CNTN5: variants seen among roughly 807,000 people sequenced by gnomAD.
CNTN5 encodes contactin-5.
Under a neutral mutation model 129.1 loss-of-function variants are expected in CNTN5, and 77 were observed. The ratio of observed to expected loss-of-function variants is 0.60; its 90% CI spans 0.50 to 0.72. CNTN5 has a LOEUF of 0.72. CNTN5 is among the 30% of genes least tolerant of loss of function. The pLI, the probability that CNTN5 is intolerant of heterozygous loss-of-function variation, is 0.00. For missense variants in CNTN5, 1,478 were observed against 1,328.8 expected (o/e 1.11, Z -1.75); for synonymous variants, 509 against 465.6 (o/e 1.09, Z -1.20).
chr11:100,343,925 C>G (rs1039648611), intron 23 of CNTN5, among the ~76,000 whole-genome samples: 2 of 152,076 alleles, frequency 1.3e-5, no homozygotes, highest in Non-Finnish European at 2.9e-5. Flanking sequence ...ACACAGGACA[C>G]TAATCATTTC....
chr11:99,846,786 T>C (rs550683186), intron 6 of CNTN5, among the ~76,000 whole-genome samples: 19 of 152,224 alleles, frequency 1.2e-4, no homozygotes, highest in African/African-American at 4.3e-4. Flanking sequence ...TGATAATAAA[T>C]ACAGTTTGAA....
intron 16 of CNTN5, among the ~76,000 whole-genome samples, chr11:100,254,988 C>T (rs1950037699): frequency 6.6e-6 from 1 of 152,124 alleles, no homozygotes; most frequent in African/African-American, 2.4e-5. Context: ...GCACATTTCT[C>T]CTCAAATCTG....
chr11:99,613,286 A>G (rs552245172), intron 3 of CNTN5, among the ~76,000 whole-genome samples: 38 of 152,260 alleles, frequency 2.5e-4, no homozygotes, highest in Non-Finnish European at 4.1e-4. Context: ...GTTAGCTCTC[A>G]TGAGATCTGA....
rs1951091120 is a variant in CNTN5 at position 100,295,941 on chromosome 11, T to A, written c.2315-1684T>A. 2.6e-5 allele frequency among the ~76,000 whole-genome samples: 4 copies of A among 151,410 alleles called. No individual in the cohort carries two copies. In the South Asian group the frequency reaches 8.3e-4, roughly 31 times the overall value. ...TGTATGTATGTGTGTGTATATACAT[T>A]TAAAAAAACAAAAATACTAAGAGAA... On this transcript the variant is annotated intron_variant, in intron 18 of 24. Transcript: ENST00000524871.
At chr11:99,207,566 T>G (rs1859546990) in intron 1 of CNTN5, among the ~76,000 whole-genome samples, 2 of 152,138 alleles carry the variant, frequency 1.3e-5, no homozygotes, top group Non-Finnish European at 2.9e-5. Context: ...TTTCTATTGT[T>G]TTTTTCCTTT....
chr11:99,033,252 C>A (rs1863498813), intron 1 of CNTN5, among the ~76,000 whole-genome samples: 1 of 151,796 alleles, frequency 6.6e-6, no homozygotes, highest in African/African-American at 2.4e-5. Flanking sequence ...GCAATGCGGG[C>A]TCTTTTTTGG....
At chr11:99,705,530 A>C (rs908026981) in intron 3 of CNTN5, among the ~76,000 whole-genome samples, 1 of 151,398 alleles carries the variant, frequency 6.6e-6, no homozygotes, top group Non-Finnish European at 1.5e-5. Flanking sequence ...GGTTATTAGA[A>C]TCCTGATTCA....
intron 3 of CNTN5, among the ~76,000 whole-genome samples, chr11:99,786,147 T>TCC (rs1462203357): frequency 6.6e-6 from 1 of 152,114 alleles, no homozygotes; most frequent in Admixed American, 6.5e-5. Context: ...GATAAGCAAC[T>TCC]TCAGCAAAGT....
At chr11:99,589,293 C>T (rs1174081216) in intron 3 of CNTN5, among the ~76,000 whole-genome samples, 1 of 152,198 alleles carries the variant, frequency 6.6e-6, no homozygotes, top group Non-Finnish European at 1.5e-5. Flanking sequence ...CCATCAATAA[C>T]ATGCAAAATG....
chr11:99,454,293 TC>T (rs1944414359), intron 2 of CNTN5, among the ~76,000 whole-genome samples: 1 of 152,172 alleles, frequency 6.6e-6, no homozygotes, highest in Non-Finnish European at 1.5e-5. Flanking sequence ...GGCTTTGTGT[TC>T]CCACCCAAAT....
At chr11:100,225,878 G>A (rs1949362412) in intron 16 of CNTN5, among the ~76,000 whole-genome samples, 2 of 152,014 alleles carry the variant, frequency 1.3e-5, no homozygotes, top group South Asian at 2.1e-4. Context: ...TAAACATAAG[G>A]CATAGAGTGA....
At chr11:99,540,124 T>A (rs951476988) in intron 2 of CNTN5, among the ~76,000 whole-genome samples, 1 of 152,116 alleles carries the variant, frequency 6.6e-6, no homozygotes, top group Non-Finnish European at 1.5e-5. Flanking sequence ...AAGGATGTTA[T>A]GAAAAACAAT....
At chr11:99,308,314 AAAC>A (rs973991384) in intron 1 of CNTN5, among the ~76,000 whole-genome samples, 3 of 152,358 alleles carry the variant, frequency 2.0e-5, no homozygotes, top group African/African-American at 4.8e-5. Context: ...CCAGTAAGCA[AAAC>A]AACATTATAT....
intron 2 of CNTN5, among the ~76,000 whole-genome samples, chr11:99,434,324 G>T (rs893809192): frequency 2.0e-5 from 3 of 152,092 alleles, no homozygotes; most frequent in Non-Finnish European, 4.4e-5. Flanking sequence ...TTTCTAAAAT[G>T]ATGTATGAAA....
intron 1 of CNTN5, among the ~76,000 whole-genome samples, chr11:99,321,378 T>C (rs978952276): frequency 6.7e-6 from 1 of 150,254 alleles, no homozygotes; most frequent in Non-Finnish European, 1.5e-5. Flanking sequence ...TATATTCAGA[T>C]AGAGAGGACT....
chr11:99,658,381 C>T (rs868573107), intron 3 of CNTN5, among the ~76,000 whole-genome samples: 2 of 152,176 alleles, frequency 1.3e-5, no homozygotes, highest in Middle Eastern at 3.4e-3. Flanking sequence ...AGGAGAAATG[C>T]TTCGTGTAGG....
At chr11:99,508,736 G>C (rs571252782) in intron 2 of CNTN5, among the ~76,000 whole-genome samples, 1 of 150,324 alleles carries the variant, frequency 6.7e-6, no homozygotes, top group Non-Finnish European at 1.5e-5. Context: ...CTGGAGTGCG[G>C]TGTGGCGCGA....
At position 99,545,263 on chromosome 11, in the gene CNTN5, C is replaced by T. The variant is rs561125837; in HGVS notation, c.-70-10882C>T. ...ATTGCCTTGGAATTATTTACAATTC[C>T]CAGTTTAACTATGTGCCTATAACAA... On this transcript the variant is annotated intron_variant, in intron 2 of 24. Transcript: ENST00000524871. Among the ~76,000 whole-genome samples the T allele has an allele frequency of 1.3e-3, 197 of 152,188 alleles. 1 individual carries two copies. The highest frequency in any genetic ancestry group is 1.7e-3 in the Non-Finnish European group (115 of 68,012).
intron 8 of CNTN5, among the ~76,000 whole-genome samples, chr11:99,971,927 A>G (rs1466565532): frequency 6.6e-6 from 1 of 151,098 alleles, no homozygotes; most frequent in Admixed American, 6.6e-5. Flanking sequence ...CATTTGTATC[A>G]GGATAATTGA....
Sources: gnomAD v4.1 joint callset for allele counts (sites outside exome capture counted in the v4.1 genomes callset) on GRCh38, gnomAD v4.1.1 for gene constraint, MANE v1.5 for transcripts, NCBI Gene and HGNC (gene_info 2026-07-23, HGNC 2026-07-21) for gene names.